The following ELMO1 variants were observed in gnomAD, a reference collection of about 807,000 sequenced individuals.
The protein encoded by ELMO1 is engulfment and cell motility 1.
A neutral mutation model predicts 98.9 loss-of-function variants in ELMO1; 26 were observed. That is an observed-to-expected ratio of 0.26 (90% CI 0.19 to 0.36). The LOEUF is 0.36. ELMO1 is among the 10% of genes least tolerant of loss of function. ELMO1 has a pLI of 1.00. For synonymous variants in ELMO1, 346 were observed against 346.0 expected, an observed-to-expected ratio of 1.00 and a Z score of 0.00; for missense variants, 627 against 935.2, an observed-to-expected ratio of 0.67 and a Z score of 4.30.
intron 16 of ELMO1, among the ~76,000 whole-genome samples, chr7:36,982,884 C>T (rs1791188985): frequency 1.3e-5 from 2 of 152,204 alleles, no homozygotes; most frequent in African/African-American, 4.8e-5. Context: ...CCATCCAGCT[C>T]CACATTGCCC....
At chr7:37,412,032 A>T (rs1051795166) in intron 1 of ELMO1, among the ~76,000 whole-genome samples, 3 of 148,146 alleles carry the variant, frequency 2.0e-5, no homozygotes, top group Non-Finnish European at 3.0e-5. Context: ...GCTCTCTCTC[A>T]CACACACACA....
At chr7:37,276,925 A>G (rs750131669) in intron 4 of ELMO1, among the ~76,000 whole-genome samples, 2 of 152,250 alleles carry the variant, frequency 1.3e-5, no homozygotes, top group Non-Finnish European at 2.9e-5. Flanking sequence ...GAGCATCAAT[A>G]AGTGCTGTCT....
At chr7:36,952,887 A>G (rs1474237295) in intron 16 of ELMO1, among the ~76,000 whole-genome samples, 10 of 151,030 alleles carry the variant, frequency 6.6e-5, no homozygotes, top group African/African-American at 2.4e-4. Context: ...TTCTTAGGTG[A>G]CCCACTGGAG....
intron 16 of ELMO1, among the ~76,000 whole-genome samples, chr7:36,984,379 C>T (rs77892516): frequency 8.5e-5 from 13 of 152,314 alleles, no homozygotes; most frequent in East Asian, 5.8e-4. Flanking sequence ...CATTGTCACC[C>T]GCAGTTAGGA....
At chr7:37,426,075 C>A (rs979591905) in intron 1 of ELMO1, among the ~76,000 whole-genome samples, 5 of 151,700 alleles carry the variant, frequency 3.3e-5, no homozygotes, top group African/African-American at 1.2e-4. Flanking sequence ...GCTCTATGGC[C>A]CTGGGCAAGT....
At chr7:37,429,310 T>C (rs1051375041) in intron 1 of ELMO1, 1 of 152,266 alleles carries the variant, frequency 6.6e-6, no homozygotes, top group African/African-American at 2.4e-5. Context: ...TCCACATCCA[T>C]TCCGGGTGCT....
At chr7:37,265,219 C>T (rs918796897) in intron 5 of ELMO1, among the ~76,000 whole-genome samples, 3 of 152,094 alleles carry the variant, frequency 2.0e-5, no homozygotes, top group African/African-American at 4.8e-5. Flanking sequence ...TGCTGTGTGG[C>T]GGGGACCCTG....
chr7:36,926,855 T>G (rs758734100), intron 16 of ELMO1, among the ~76,000 whole-genome samples: 90 of 152,370 alleles, frequency 5.9e-4, no homozygotes, highest in Non-Finnish European at 1.1e-3. Flanking sequence ...TAATTTAGTA[T>G]GTGTTCTGCT....
At chr7:37,314,818 G>C in intron 4 of ELMO1, 32 bp downstream of exon 4, 1 of 1,583,792 alleles carries the variant, frequency 6.3e-7, no homozygotes, top group Non-Finnish European at 8.6e-7. Flanking sequence ...CCTTCAATAT[G>C]TATCCCATAT....
intron 1 of ELMO1, among the ~76,000 whole-genome samples, chr7:37,347,682 T>C (rs954835031): frequency 1.3e-5 from 2 of 152,190 alleles, no homozygotes; most frequent in East Asian, 3.9e-4. Context: ...ACTGAGTCCA[T>C]GTAAACCCTT....
At chr7:36,860,097 G>A (rs1802499069) in intron 21 of ELMO1, among the ~76,000 whole-genome samples, 1 of 152,202 alleles carries the variant, frequency 6.6e-6, no homozygotes, top group East Asian at 1.9e-4. Context: ...TTACCTTATT[G>A]GAAGAATACA....
chr7:37,019,918 AACAT>A (rs1352925145), intron 15 of ELMO1, among the ~76,000 whole-genome samples: 1 of 152,196 alleles, frequency 6.6e-6, no homozygotes, highest in Non-Finnish European at 1.5e-5. Flanking sequence ...CTATAACCTG[AACAT>A]ACATATTTTT....
chr7:37,156,961 T>A (rs1050928297), intron 13 of ELMO1, among the ~76,000 whole-genome samples: 24 of 152,172 alleles, frequency 1.6e-4, no homozygotes, highest in Middle Eastern at 3.2e-3. Context: ...TCAAAAAGCT[T>A]ATCCACCACG....
intron 15 of ELMO1, among the ~76,000 whole-genome samples, chr7:37,063,666 G>C (rs567233037): frequency 6.6e-6 from 1 of 152,042 alleles, no homozygotes; most frequent in African/African-American, 2.4e-5. Context: ...AAATCCACTT[G>C]TATGACCCTT....
At position 37,171,481 on chromosome 7, in the gene ELMO1, CTATTTTTTT is replaced by C. The variant is rs1159970182; in HGVS notation, c.1087-38256_1087-38248del. ...AGTTTATTCTTGTAACCAGGCCTTTCTATTTTTTTTTTTTTTTTTTTTTTTTTTTGAGAC... is the reference window on the plus strand; with the variant it reads ...AGTTTATTCTTGTAACCAGGCCTTTCTTTTTTTTTTTTTTTTTTTTGAGAC... On this transcript the variant is annotated intron_variant, in intron 13 of 21. Transcript: ENST00000310758. 2.3e-3 allele frequency among the ~76,000 whole-genome samples: 104 copies of C among 44,292 alleles called. 2 individuals carry two copies. Among genetic ancestry groups the C allele is most frequent in the Middle Eastern group, 0.022 (1 of 46 alleles). The allele number at this position is 44,292 out of a possible 152,430, so 29.1% of individuals were successfully genotyped here. A position where few individuals can be genotyped will look rare whatever the true frequency, so the allele number is the denominator to read the frequency against.
chr7:37,112,210 C>T (rs1785290470), intron 14 of ELMO1, among the ~76,000 whole-genome samples: 1 of 152,128 alleles, frequency 6.6e-6, no homozygotes, highest in Non-Finnish European at 1.5e-5. Context: ...GAGATGGTTC[C>T]TGCTCAAAAA....
chr7:37,217,037 C>G (rs983648748), intron 10 of ELMO1, among the ~76,000 whole-genome samples: 1 of 152,204 alleles, frequency 6.6e-6, no homozygotes, highest in Non-Finnish European at 1.5e-5. Context: ...TTTTATTAGA[C>G]TACGTACGTG....
chr7:37,118,825 A>G (rs1266373346), intron 14 of ELMO1, among the ~76,000 whole-genome samples: 1 of 152,130 alleles, frequency 6.6e-6, no homozygotes, highest in Non-Finnish European at 1.5e-5. Context: ...CCCTGAAAAA[A>G]GGCAATCAAA....
At chr7:36,946,200 T>C (rs895959400) in intron 16 of ELMO1, among the ~76,000 whole-genome samples, 1 of 152,244 alleles carries the variant, frequency 6.6e-6, no homozygotes, top group Non-Finnish European at 1.5e-5. Flanking sequence ...AGAAACTTGT[T>C]TGTGCAAAGC....
Sources: gnomAD v4.1 joint callset for allele counts (sites outside exome capture counted in the v4.1 genomes callset) on GRCh38, gnomAD v4.1.1 for gene constraint, MANE v1.5 for transcripts, NCBI Gene and HGNC (gene_info 2026-07-23, HGNC 2026-07-21) for gene names.